Variants in HERC4 observed in about 807,000 individuals in gnomAD.
HERC4 encodes the protein HECT and RLD domain containing E3 ubiquitin protein ligase 4, also known as probable E3 ubiquitin-protein ligase HERC4.
A neutral mutation model predicts 124.3 loss-of-function variants in HERC4; 28 were observed. That is an observed-to-expected ratio of 0.23 (90% CI 0.17 to 0.31). HERC4 has a LOEUF of 0.31. Ranked by LOEUF, HERC4 falls within the 10% of genes least tolerant of loss-of-function variation. HERC4 has a pLI of 1.00. For missense variants in HERC4, 713 were observed against 1,229.3 expected, an observed-to-expected ratio of 0.58 and a Z score of 6.28; for synonymous variants, 407 against 421.5, an observed-to-expected ratio of 0.97 and a Z score of 0.42.
chr10:68,007,581 T>G (rs2037648946), intron 9 of HERC4: 3 of 152,220 alleles, frequency 2.0e-5, no homozygotes, highest in Non-Finnish European at 4.4e-5. Context: ...AGTCCGTACT[T>G]GTTTGTACCT....
Position 67,925,169 on chromosome 10 carries a change from C to T in HERC4, c.2857G>A (p.Glu953Lys). The change falls in exon 24 of 25, where the codon GAA becomes AAA. Residue 953 changes from glutamate (E) to lysine (K), a missense_variant. By Grantham distance (56) the Glu-to-Lys change is moderately conservative. Transcript: ENST00000373700. Reference sequence around the variant, plus strand: ...ATCGTAGGATGTTCTGCCCAATATTCCCCTTTGTATTCTGTATTCTAAAAA... The same window carrying T: ...ATCGTAGGATGTTCTGCCCAATATTTCCCTTTGTATTCTGTATTCTAAAAA... ...ELEKNTEYKG[E>K]YWAEHPTIKI... 6.3e-7 allele frequency: 1 copy of T among 1,589,460 alleles called. No individual in the cohort carries two copies. Among genetic ancestry groups the T allele is most frequent in the East Asian group, 2.2e-5 (1 of 44,646 alleles).
chr10:67,925,213 G>T, intron 23 of HERC4, 26 bp from the exon 24 acceptor site: 1 of 1,301,792 alleles, frequency 7.7e-7, no homozygotes, highest in Non-Finnish European at 1.1e-6. Context: ...TCTTTTATTA[G>T]TATTAAGGGA....
chr10:67,970,453 G>A (rs1198703943), intron 15 of HERC4, among the ~76,000 whole-genome samples: 13 of 151,984 alleles, frequency 8.6e-5, no homozygotes, highest in East Asian at 5.8e-4. Context: ...CTAGCTGGCC[G>A]TGGTGGCACA....
chr10:68,001,909 T>C (rs983289173), intron 9 of HERC4, among the ~76,000 whole-genome samples: 1 of 152,228 alleles, frequency 6.6e-6, no homozygotes, highest in African/African-American at 2.4e-5. Context: ...GGCTGAATAC[T>C]ATTCCACTAT....
At chr10:67,981,968 A>G (rs907947719) in intron 15 of HERC4, among the ~76,000 whole-genome samples, 1 of 152,166 alleles carries the variant, frequency 6.6e-6, no homozygotes, top group Non-Finnish European at 1.5e-5. Context: ...AAAAACTATC[A>G]AAGAAATTGA....
intron 3 of HERC4, among the ~76,000 whole-genome samples, chr10:68,064,575 A>AG (rs1457401619): frequency 3.3e-5 from 5 of 151,570 alleles, no homozygotes; most frequent in African/African-American, 1.2e-4. Context: ...AAAAAAAAAA[A>AG]AAGAGAGAGA....
At chr10:68,002,543 T>A (rs1395843889) in intron 9 of HERC4, among the ~76,000 whole-genome samples, 2 of 151,472 alleles carry the variant, frequency 1.3e-5, no homozygotes, top group Middle Eastern at 3.5e-3. Context: ...CAAGTTTGGC[T>A]AAAGCTGCAT....
chr10:68,004,847 C>T (rs764495033), intron 9 of HERC4, among the ~76,000 whole-genome samples: 14 of 152,104 alleles, frequency 9.2e-5, no homozygotes, highest in South Asian at 2.1e-4. Context: ...TGCAGGAAAC[C>T]GATTCCATGA....
intron 15 of HERC4, among the ~76,000 whole-genome samples, chr10:67,979,418 A>G (rs961678097): frequency 6.6e-6 from 1 of 152,052 alleles, no homozygotes; most frequent in African/African-American, 2.4e-5. Flanking sequence ...GAGACAAAAG[A>G]AAAAAGAATA....
intron 9 of HERC4, chr10:68,010,881 G>A (rs541496000): frequency 2.7e-6 from 4 of 1,464,494 alleles, no homozygotes; most frequent in East Asian, 2.3e-5. Flanking sequence ...CCTGGGACTG[G>A]ATGAAGGGTA....
At position 67,988,831 on chromosome 10, in the gene HERC4, G is replaced by A. The variant is rs759119216; in HGVS notation, c.1638C>T (p.Asn546=). The stretch of plus-strand genomic sequence containing the variant: ...GTGGAGGTTCAAGTACTGACCACCA[G>A]TTTTCTGTTATTAAAAAGTGAACAT... ...LEKAPLKVLE[N]WWSVLEPPLF... The change falls in exon 15 of 25, where the codon AAC becomes AAT. Residue 546 remains asparagine (N), a synonymous_variant. Transcript: ENST00000373700. 1 of 1,579,316 alleles carries A rather than the reference G, an allele frequency of 6.3e-7. No homozygotes were observed. Among genetic ancestry groups the A allele is most frequent in the Non-Finnish European group, 8.6e-7 (1 of 1,168,388 alleles).
chr10:67,949,676 T>G (rs1226278449), intron 19 of HERC4, among the ~76,000 whole-genome samples: 2 of 152,196 alleles, frequency 1.3e-5, no homozygotes, highest in South Asian at 2.1e-4. Context: ...TCAACCAGCA[T>G]AATGTACCAT....
chr10:68,046,143 AAG>A (rs1477086995), intron 3 of HERC4, among the ~76,000 whole-genome samples: 1 of 152,172 alleles, frequency 6.6e-6, no homozygotes, highest in Non-Finnish European at 1.5e-5. Flanking sequence ...AAAAAAAAAA[AAG>A]AAAAAATACT....
intron 8 of HERC4, among the ~76,000 whole-genome samples, chr10:68,021,385 C>T (rs1564557306): frequency 6.6e-6 from 1 of 152,176 alleles, no homozygotes; most frequent in Non-Finnish European, 1.5e-5. Context: ...GGAAAAGACA[C>T]ACACAATCAT....
intron 8 of HERC4, among the ~76,000 whole-genome samples, chr10:68,014,761 T>C (rs181745896): frequency 6.6e-6 from 1 of 152,212 alleles, no homozygotes; most frequent in Non-Finnish European, 1.5e-5. Flanking sequence ...ACCACAGATC[T>C]GAAGCTAAGG....
At chr10:68,072,032 C>T (rs2041600149) in intron 3 of HERC4, among the ~76,000 whole-genome samples, 1 of 152,120 alleles carries the variant, frequency 6.6e-6, no homozygotes, top group South Asian at 2.1e-4. Context: ...GATAAAATAA[C>T]TGCCACAGAA....
At position 68,022,217 on chromosome 10, in the gene HERC4, C is replaced by T. The variant is rs1009184992; in HGVS notation, c.908+3329G>A. 3.3e-5 allele frequency among the ~76,000 whole-genome samples: 5 copies of T among 152,132 alleles called. No homozygotes were observed. The South Asian group carries it at 8.3e-4, about 25-fold the overall frequency. ...TGCTACCCAAAAGAATGTACAGACT[C>T]GGCCAGGTGTGGGGGCTCACGCCTG... On this transcript the variant is annotated intron_variant, in intron 8 of 24. Coordinates refer to ENST00000373700, the MANE Select transcript of HERC4 (RefSeq NM_015601.4).
intron 11 of HERC4, 97 bp downstream of exon 11, chr10:67,992,102 G>T: frequency 8.8e-7 from 1 of 1,142,692 alleles, no homozygotes; most frequent in Middle Eastern, 3.0e-4. Context: ...TTGCCATGTT[G>T]CCCAGGCTGG....
intron 15 of HERC4, among the ~76,000 whole-genome samples, chr10:67,970,274 C>T (rs1427859768): frequency 1.3e-5 from 2 of 152,008 alleles, no homozygotes; most frequent in Non-Finnish European, 2.9e-5. Flanking sequence ...TATAGATAAC[C>T]CAAAATTATG....
Sources: gnomAD v4.1 joint callset for allele counts (sites outside exome capture counted in the v4.1 genomes callset) on GRCh38, gnomAD v4.1.1 for gene constraint, MANE v1.5 for transcripts, NCBI Gene and HGNC (gene_info 2026-07-23, HGNC 2026-07-21) for gene names.